Variants in MARVELD3 observed in about 807,000 individuals in gnomAD.
MARVELD3 encodes MARVEL domain containing 3.
In MARVELD3, 28 loss-of-function variants were observed where a neutral mutation model predicts 33.5. The observed-to-expected ratio is 0.84, with a 90% CI of 0.62 to 1.15. The LOEUF is 1.15. MARVELD3 is among the 50% of genes most tolerant of loss of function. The pLI, the probability that MARVELD3 is intolerant of heterozygous loss-of-function variation, is 0.00. For synonymous variants in MARVELD3, 241 were observed against 230.4 expected (o/e 1.05, Z -0.42); for missense variants, 582 against 547.6 (o/e 1.06, Z -0.63).
At chr16:71,633,124 A>G (rs1000632426) in intron 2 of MARVELD3, among the ~76,000 whole-genome samples, 2 of 151,862 alleles carry the variant, frequency 1.3e-5, no homozygotes, top group Non-Finnish European at 2.9e-5. Context: ...GCACTTTGGG[A>G]GGCCAAGGCA....
At position 71,635,536 on chromosome 16, in the gene MARVELD3, G is replaced by A. The variant is rs185872554; in HGVS notation, c.*733G>A. Reference sequence around the variant, plus strand: ...GTAGGAGGATTGCTTGAACCCAGGAGTTCAAGTTTGCAGTGCGCTATGATT... The same window carrying A: ...GTAGGAGGATTGCTTGAACCCAGGAATTCAAGTTTGCAGTGCGCTATGATT... On this transcript the variant is annotated 3_prime_UTR_variant, in exon 3 of 3. Transcript: ENST00000268485. 4.7e-5 allele frequency: 46 copies of A among 983,644 alleles called. No individual in the cohort carries two copies. The African/African-American group carries it at 7.9e-4, about 17-fold the overall frequency. The allele number at this position is 983,644 out of a possible 1,614,324, so 60.9% of individuals were successfully genotyped here.
downstream of MARVELD3, chr16:71,640,551 C>T (rs140602857): frequency 4.3e-6 from 7 of 1,614,050 alleles, no homozygotes; most frequent in Admixed American, 3.3e-5. Context: ...AGAGCAGGTT[C>T]GGCAGCTGGA....
chr16:71,634,351 G>A lies in MARVELD3; in HGVS notation c.754G>A (p.Gly252Arg), dbSNP rs1249699333. The A allele has an allele frequency of 8.1e-6, 13 of 1,614,134 alleles. No individual in the cohort carries two copies. The highest frequency in any genetic ancestry group is 2.2e-5 in the South Asian group (2 of 91,076). The change falls in exon 3 of 3, where the codon GGG becomes AGG. Residue 252 changes from glycine to arginine, a missense_variant. By Grantham distance (125) the Gly-to-Arg change is moderately radical. Transcript: ENST00000268485. Reference protein sequence around the residue: ...GAYSGFDGADGEKAQQLDVQF... With the variant: ...GAYSGFDGADREKAQQLDVQF... Reference sequence around the variant, plus strand: ...TTACAGTGGCTTTGATGGTGCTGACGGGGAGAAGGCCCAGCAACTGGATGT... The same window carrying A: ...TTACAGTGGCTTTGATGGTGCTGACAGGGAGAAGGCCCAGCAACTGGATGT...
rs1265249191 is a variant in MARVELD3 at position 71,635,266 on chromosome 16, T to C, written c.*463T>C. 1.1e-6 allele frequency: 1 copy of C among 911,148 alleles called. No homozygotes were observed. The highest frequency in any genetic ancestry group is 5.1e-5 in the South Asian group (1 of 19,734). 56.4% of individuals were successfully genotyped at this position (911,148 alleles called of 1,614,324 possible). ...ATCGCTTGAATCTGGGAGGCGGAGA[T>C]TGCAGTGAGCCGAGATCCCGCCACT... On this transcript the variant is annotated 3_prime_UTR_variant, in exon 3 of 3. Transcript: ENST00000268485.
downstream of MARVELD3, chr16:71,640,571 C>A: frequency 6.2e-7 from 1 of 1,614,200 alleles, no homozygotes; most frequent in Non-Finnish European, 8.5e-7. Context: ...ACCAGCAGTA[C>A]ACGATCCTCC....
At position 71,626,916 on chromosome 16, in the gene MARVELD3, A is replaced by C; in HGVS notation, c.467+220A>C. ...GAACCCAACTAACAAAGCAAAAACC[A>C]CCCCTGTGAGCAGTGGCTGGGCTGG... is the stretch of plus-strand genomic sequence containing the variant. On this transcript the variant is annotated intron_variant, in intron 1 of 2. Transcript: ENST00000268485. The surrounding 1 kb of genome is among the most constrained non-coding windows in gnomAD (Gnocchi z 5.3). 2.9e-5 allele frequency: 12 copies of C among 420,986 alleles called. No homozygotes were observed. Among genetic ancestry groups the C allele is most frequent in the South Asian group, 5.4e-5 (1 of 18,552 alleles). 26.1% of individuals were successfully genotyped at this position (420,986 alleles called of 1,614,324 possible).
Position 71,626,731 on chromosome 16 carries a change from G to C in MARVELD3, c.467+35G>C, listed in dbSNP as rs1393415979. ...GCCGGGGCGCTGCGACCTCCGCGCC[G>C]GGGACACCTGTGGCCCAGGCCGGCC... is the stretch of plus-strand genomic sequence containing the variant. On this transcript the variant is annotated intron_variant, in intron 1 of 2. Coordinates refer to ENST00000268485, the MANE Select transcript of MARVELD3 (RefSeq NM_052858.6). The surrounding 1 kb of genome is among the most constrained non-coding windows in gnomAD (Gnocchi z 5.3). The C allele has an allele frequency of 5.6e-6, 8 of 1,417,554 alleles. No homozygotes were observed. The highest frequency in any genetic ancestry group is 7.3e-6 in the Non-Finnish European group (8 of 1,090,716). The allele number at this position is 1,417,554 out of a possible 1,614,324, so 87.8% of individuals were successfully genotyped here.
At chr16:71,632,015 C>T (rs1296750604) in intron 2 of MARVELD3, among the ~76,000 whole-genome samples, 1 of 152,138 alleles carries the variant, frequency 6.6e-6, no homozygotes, top group Non-Finnish European at 1.5e-5. Flanking sequence ...CTCAGCAGCA[C>T]CCAGCTTATA....
intron 2 of MARVELD3, among the ~76,000 whole-genome samples, chr16:71,633,261 C>A (rs1597076756): frequency 6.6e-6 from 1 of 152,052 alleles, no homozygotes; most frequent in South Asian, 2.1e-4. Flanking sequence ...ATGTGGGAGG[C>A]TGAGGCAGGA....
rs1293832548 is a variant in MARVELD3, at chr16:71,626,977, C to G, written c.467+281C>G. ...GAAGAGAAAGAGAGGCCCCGGGACC[C>G]GAGAGGGAGGGGTGGGAGGAGACCA... is the stretch of plus-strand genomic sequence containing the variant. On this transcript the variant is annotated intron_variant, in intron 1 of 2. Transcript: ENST00000268485. This position sits in a 1 kb window ranked among gnomAD's most constrained non-coding sequence, Gnocchi z 5.3. 1.3e-5 allele frequency among the ~76,000 whole-genome samples: 2 copies of G among 152,178 alleles called. No individual in the cohort carries two copies. Among genetic ancestry groups the G allele is most frequent in the Non-Finnish European group, 1.5e-5 (1 of 68,008 alleles).
intron 2 of MARVELD3, among the ~76,000 whole-genome samples, chr16:71,632,567 T>C (rs1019738441): frequency 6.6e-6 from 1 of 152,010 alleles, no homozygotes; most frequent in Admixed American, 6.6e-5. Context: ...AAGGGTTTAA[T>C]TAACTTAATT....
At chr16:71,641,302 A>C, downstream of MARVELD3, 1 of 352,990 alleles carries the variant, frequency 2.8e-6, no homozygotes, top group Non-Finnish European at 5.2e-6. Flanking sequence ...AAAATACAAA[A>C]AATCGCCGGG....
chr16:71,634,390 C>T lies in MARVELD3; in HGVS notation c.793C>T (p.Leu265=), dbSNP rs1376607950. 1.9e-6 allele frequency: 3 copies of T among 1,614,224 alleles called. No individual in the cohort carries two copies. The highest frequency in any genetic ancestry group is 1.7e-6 in the Non-Finnish European group (2 of 1,180,044). ...GCAACTGGATGTCCAGTTCTACCAG[C>T]TAAAGCTGCCCATGGTCACTGTGGC... ...AQQLDVQFYQ[L]KLPMVTVAMA... is the part of the protein sequence containing the mutation. The change falls in exon 3 of 3, where the codon CTA becomes TTA. Residue 265 remains leucine, a synonymous_variant. Coordinates refer to ENST00000268485, the MANE Select transcript of MARVELD3 (RefSeq NM_052858.6).
At chr16:71,628,256 C>T (rs1482242352) in intron 1 of MARVELD3, among the ~76,000 whole-genome samples, 1 of 152,114 alleles carries the variant, frequency 6.6e-6, no homozygotes, top group Non-Finnish European at 1.5e-5. Context: ...CTGTCCGAGC[C>T]GGACGCGGTG....
intron 1 of MARVELD3, among the ~76,000 whole-genome samples, chr16:71,628,007 G>C (rs1324757912): frequency 6.6e-6 from 1 of 152,190 alleles, no homozygotes; most frequent in East Asian, 1.9e-4. Context: ...CCCTCTCCCA[G>C]GGACTTGGAG....
chr16:71,638,681 A>G (rs2044597218), downstream of MARVELD3: 1 of 152,218 alleles, frequency 6.6e-6, no homozygotes, highest in African/African-American at 2.4e-5. Flanking sequence ...ACTCCTGTGT[A>G]TCCTTAACCC....
At chr16:71,627,937 A>C (rs1161843414) in intron 1 of MARVELD3, among the ~76,000 whole-genome samples, 1 of 152,322 alleles carries the variant, frequency 6.6e-6, no homozygotes, top group Non-Finnish European at 1.5e-5. Context: ...GACAGGTCCG[A>C]GGTGACGACT....
chr16:71,630,482 G>A (rs969851479), intron 2 of MARVELD3, among the ~76,000 whole-genome samples: 11 of 151,640 alleles, frequency 7.3e-5, no homozygotes, highest in Non-Finnish European at 1.5e-4. Context: ...AAAATTAGCC[G>A]GGGTGGTGGC....
At chr16:71,638,106 C>A (rs967208846), downstream of MARVELD3, 1 of 152,134 alleles carries the variant, frequency 6.6e-6, no homozygotes, top group African/African-American at 2.4e-5. Flanking sequence ...CATGCTCATC[C>A]CTGAACACCA....
Sources: allele counts gnomAD v4.1 joint callset (sites outside exome capture counted in the v4.1 genomes callset), GRCh38; gene constraint gnomAD v4.1.1; non-coding constraint Gnocchi (gnomAD v3.1); transcripts MANE v1.5; gene names NCBI Gene and HGNC (gene_info 2026-07-23, HGNC 2026-07-21).